LOXL2: variants seen among roughly 807,000 people sequenced by gnomAD.
The protein encoded by LOXL2 is lysyl oxidase like 2.
In LOXL2, 70 loss-of-function variants were observed where a neutral mutation model predicts 93.0. The observed-to-expected ratio is 0.75, with a 90% confidence interval of 0.62 to 0.92. The LOEUF (loss-of-function observed/expected upper bound fraction) is 0.92. Among genes scored for constraint, LOXL2 ranks in the 40% least tolerant of loss-of-function variants. The probability of loss-of-function intolerance (pLI) is 0.00; values close to 1 mark genes in which losing one functional copy is unlikely to be tolerated. For synonymous variants in LOXL2, 438 were observed against 413.2 expected, an observed-to-expected ratio of 1.06 and a Z score of -0.73; for missense variants, 973 against 1,054.9, an observed-to-expected ratio of 0.92 and a Z score of 1.08.
chr8:23,314,832 G>A (rs9644069), intron 9 of LOXL2, among the ~76,000 whole-genome samples: 6 of 149,380 alleles, frequency 4.0e-5, no homozygotes, highest in South Asian at 2.1e-4. Context: ...AACGAAAAAA[G>A]AAAAAAATAA....
At chr8:23,402,480 G>A (rs57648391) in intron 1 of LOXL2, 21 of 152,912 alleles carry the variant, frequency 1.4e-4, no homozygotes, top group African/African-American at 4.8e-4. Context: ...CAAAGGTGAG[G>A]AGAAAGATTA....
intron 3 of LOXL2, among the ~76,000 whole-genome samples, chr8:23,347,859 T>C (rs1399906165): frequency 6.6e-6 from 1 of 152,056 alleles, no homozygotes; most frequent in Non-Finnish European, 1.5e-5. Context: ...ACTGGGTATA[T>C]ACCCAAAGGA....
At chr8:23,312,327 C>CCA (rs1384773952) in intron 9 of LOXL2, among the ~76,000 whole-genome samples, 4 of 142,740 alleles carry the variant, frequency 2.8e-5, no homozygotes, top group African/African-American at 8.1e-5. Context: ...GATACCAAAG[C>CCA]TGGGCAGAGA....
chr8:23,401,258 A>G (rs769165436), intron 1 of LOXL2, among the ~76,000 whole-genome samples: 3 of 152,258 alleles, frequency 2.0e-5, no homozygotes, highest in Non-Finnish European at 2.9e-5. Flanking sequence ...TTTGAAAGGA[A>G]GAACATAACA....
At chr8:23,340,581 C>A (rs1224888091) in intron 4 of LOXL2, among the ~76,000 whole-genome samples, 4 of 152,224 alleles carry the variant, frequency 2.6e-5, no homozygotes, top group Non-Finnish European at 5.9e-5. Flanking sequence ...TTGCCAAGAG[C>A]AAGTAAATAT....
At chr8:23,321,433 C>G (rs1215975066) in intron 7 of LOXL2, among the ~76,000 whole-genome samples, 1 of 152,224 alleles carries the variant, frequency 6.6e-6, no homozygotes, top group Non-Finnish European at 1.5e-5. Context: ...TCTAACTCAG[C>G]AAAGGACACA....
At chr8:23,355,912 TA>T (rs1300712633) in intron 3 of LOXL2, among the ~76,000 whole-genome samples, 1 of 151,366 alleles carries the variant, frequency 6.6e-6, no homozygotes, top group Non-Finnish European at 1.5e-5. Context: ...ACAGGCCTTT[TA>T]AAAAAAAAGA....
chr8:23,347,547 G>C (rs1804014898), intron 3 of LOXL2, among the ~76,000 whole-genome samples: 1 of 152,162 alleles, frequency 6.6e-6, no homozygotes, highest in Non-Finnish European at 1.5e-5. Context: ...CTACTTGGGA[G>C]GCTGAGGCAG....
rs1803068017 is a variant in LOXL2 at position 23,298,083 on chromosome 8, T to C, written c.2285A>G (p.His762Arg). 1.9e-6 allele frequency: 3 copies of C among 1,613,756 alleles called. No homozygotes were observed. In the South Asian group the frequency reaches 3.3e-5, roughly 18 times the overall value. ...CTGGTTGTTTAAGAGCCCGCTGAAG[T>C]GCTCAAACTTTTTTTCCGTCTCTTC... is the stretch of plus-strand genomic sequence containing the variant. ...FSEETEKKFE[H>R]FSGLLNNQLS... Residue 762 changes from histidine (H) to arginine (R), a missense_variant, in exon 14 of 14, where the codon CAC becomes CGC. His to Arg is a conservative substitution (Grantham distance 29). Coordinates refer to ENST00000389131, the MANE Select transcript of LOXL2 (RefSeq NM_002318.3).
intron 4 of LOXL2, among the ~76,000 whole-genome samples, chr8:23,340,174 G>T (rs952832969): frequency 3.3e-5 from 5 of 152,168 alleles, no homozygotes; most frequent in African/African-American, 1.2e-4. Context: ...CCTTTCTCCA[G>T]TTTACTCAAC....
At chr8:23,367,315 C>T (rs990000377) in intron 2 of LOXL2, among the ~76,000 whole-genome samples, 1 of 152,156 alleles carries the variant, frequency 6.6e-6, no homozygotes, top group African/African-American at 2.4e-5. Context: ...TCCCAAAGTG[C>T]TGGGATTACA....
At chr8:23,343,072 C>A (rs1219034683) in intron 3 of LOXL2, among the ~76,000 whole-genome samples, 1 of 152,168 alleles carries the variant, frequency 6.6e-6, no homozygotes, top group East Asian at 1.9e-4. Flanking sequence ...ACAGATCTAA[C>A]CTTGTCCCTT....
intron 12 of LOXL2, among the ~76,000 whole-genome samples, chr8:23,301,461 G>A (rs1355277719): frequency 6.6e-6 from 1 of 152,200 alleles, no homozygotes; most frequent in Non-Finnish European, 1.5e-5. Context: ...CACCTGGCCA[G>A]GCTGTGTCTC....
intron 3 of LOXL2, among the ~76,000 whole-genome samples, chr8:23,353,674 C>G (rs1804134466): frequency 6.6e-6 from 1 of 152,226 alleles, no homozygotes; most frequent in Non-Finnish European, 1.5e-5. Context: ...GTGAGTGATT[C>G]AGTGGTAGGA....
In LOXL2 at chr8:23,333,332, G is replaced by A. The variant is rs538720782; in HGVS notation, c.966+69C>T. 8.7e-4 allele frequency: 1,233 copies of A among 1,410,240 alleles called. 2 individuals are homozygous for A. Among genetic ancestry groups the A allele is most frequent in the Non-Finnish European group, 1.2e-3 (1,158 of 998,494 alleles). 87.4% of individuals were successfully genotyped at this position (1,410,240 alleles called of 1,614,324 possible). The stretch of plus-strand genomic sequence containing the variant: ...CTTCCTCACTCTCCTGGGGGATCCT[G>A]CCTACTCCCTCAACACCCTCCCATC... On this transcript the variant is annotated intron_variant, in intron 5 of 13. Transcript: ENST00000389131.
In LOXL2 at chr8:23,297,928, G is replaced by T. The variant is rs965533028; in HGVS notation, c.*115C>A. On this transcript the variant is annotated 3_prime_UTR_variant, in exon 14 of 14. Transcript: ENST00000389131. ...ACACAGCTGTAGGGGTCTGGACAGG[G>T]TGGGGGCCGGGCTGGGTGAGGGCAC... 1.3e-6 allele frequency: 1 copy of T among 798,680 alleles called. No individual in the cohort carries two copies. Among genetic ancestry groups the T allele is most frequent in the East Asian group, 2.6e-5 (1 of 38,098 alleles). The allele number at this position is 798,680 out of a possible 1,614,324, so 49.5% of individuals were successfully genotyped here.
intron 3 of LOXL2, among the ~76,000 whole-genome samples, chr8:23,343,828 C>G (rs1028986590): frequency 6.6e-6 from 1 of 152,168 alleles, no homozygotes; most frequent in Admixed American, 6.5e-5. Context: ...AAGAAAGGGC[C>G]TGAGGTCTAA....
chr8:23,372,268 T>C (rs1247348607), intron 1 of LOXL2, among the ~76,000 whole-genome samples: 2 of 151,122 alleles, frequency 1.3e-5, no homozygotes, highest in African/African-American at 4.9e-5. Context: ...CAGGCTGGAG[T>C]GTGCAGTGGC....
intron 1 of LOXL2, among the ~76,000 whole-genome samples, chr8:23,371,367 G>A (rs561033676): frequency 1.2e-4 from 19 of 152,198 alleles, no homozygotes; most frequent in Non-Finnish European, 2.5e-4. Context: ...AGAGTATGAA[G>A]TAGGAAATGA....
Sources: allele counts gnomAD v4.1 joint callset (sites outside exome capture counted in the v4.1 genomes callset), GRCh38; gene constraint gnomAD v4.1.1; transcripts MANE v1.5; gene names NCBI Gene and HGNC (gene_info 2026-07-23, HGNC 2026-07-21).